Variants in ALG12 observed in about 807,000 individuals in gnomAD.
The protein encoded by ALG12 is dol-P-Man:Man(7)GlcNAc(2)-PP-Dol alpha-1,6-mannosyltransferase.
Under a neutral mutation model 46.0 loss-of-function variants are expected in ALG12, and 36 were observed. That is an observed-to-expected ratio of 0.78 (90% CI 0.60 to 1.03). ALG12 has a LOEUF of 1.03. Ranked by LOEUF, ALG12 falls within the 50% of genes least tolerant of loss-of-function variation. ALG12 has a pLI of 0.00. For synonymous variants in ALG12, 326 were observed against 291.6 expected (o/e 1.12, Z -1.20); for missense variants, 599 against 633.5 (o/e 0.95, Z 0.58).
intron 4 of ALG12, 117 bp from the exon 5 acceptor site, chr22:49,910,205 A>C (rs2060568150): frequency 6.1e-6 from 8 of 1,316,252 alleles, no homozygotes; most frequent in Non-Finnish European, 7.3e-6. Context: ...CAAATATCCC[A>C]GAAAAGAAAC....
At chr22:49,913,311 C>T in intron 3 of ALG12, 74 bp downstream of exon 3, 1 of 1,600,980 alleles carries the variant, frequency 6.2e-7, no homozygotes, top group African/African-American at 1.3e-5. Flanking sequence ...GCAGGAGGGA[C>T]CGCGGCCTCG....
the ALG12 span, among the ~76,000 whole-genome samples, chr22:49,875,856 A>G: frequency 1.3e-5 from 2 of 151,054 alleles, no homozygotes; most frequent in African/African-American, 4.9e-5. Context: ...TGTCTTCTCC[A>G]TTTTTTTCTC....
At chr22:49,878,177 C>T in the ALG12 span, among the ~76,000 whole-genome samples, 1 of 151,888 alleles carries the variant, frequency 6.6e-6, no homozygotes, top group Non-Finnish European at 1.5e-5. Context: ...TGGTGACAGG[C>T]ACCTGTAATT....
At chr22:49,894,448 A>G in the ALG12 span, among the ~76,000 whole-genome samples, 1 of 152,200 alleles carries the variant, frequency 6.6e-6, no homozygotes, top group South Asian at 2.1e-4. Context: ...CAGGCTTCAC[A>G]TATCGAGTCC....
At chr22:49,867,672 C>T in the ALG12 span, among the ~76,000 whole-genome samples, 25 of 152,290 alleles carry the variant, frequency 1.6e-4, no homozygotes, top group Middle Eastern at 3.4e-3. Flanking sequence ...TGGGGATGCT[C>T]GGTGTATCAC....
chr22:49,866,882 G>A, the ALG12 span, among the ~76,000 whole-genome samples: 2 of 152,188 alleles, frequency 1.3e-5, no homozygotes, highest in African/African-American at 2.4e-5. Context: ...GCTCTTGAAC[G>A]GTGGCTCTCG....
chr22:49,906,877 C>T lies in ALG12; in HGVS notation c.992+844G>A, dbSNP rs550312572. Among the ~76,000 whole-genome samples the T allele has an allele frequency of 1.1e-4, 17 of 152,218 alleles. No individual in the cohort carries two copies. In the South Asian group the frequency reaches 1.7e-3, roughly 15 times the overall value. On this transcript the variant is annotated intron_variant, in intron 7 of 9. Coordinates refer to ENST00000330817, the MANE Select transcript of ALG12 (RefSeq NM_024105.4). This position sits in a 1 kb window ranked among gnomAD's most constrained non-coding sequence, Gnocchi z 4.4. ...GTCCTTCCCCAGCACCCACAGGGCC[C>T]GGCAGTGATGGACTCTCCTGGCTCC...
Position 49,901,577 on chromosome 22 carries a change from TG to T in ALG12, c.*2260del, listed in dbSNP as rs2060505701. 2.7e-5 allele frequency: 4 copies of T among 147,592 alleles called. No individual in the cohort carries two copies. Among genetic ancestry groups the T allele is most frequent in the Admixed American group, 2.7e-4 (4 of 14,802 alleles). 9.1% of individuals were successfully genotyped at this position (147,592 alleles called of 1,614,324 possible). ...GTGTGCACGATTGCATTGTGTGGTG[TG>T]TATGCATGGTGTGTGCACCTGTGCA... On this transcript the variant is annotated 3_prime_UTR_variant, in exon 10 of 10. Transcript: ENST00000330817.
chr22:49,878,578 C>T, the ALG12 span, among the ~76,000 whole-genome samples: 1 of 152,134 alleles, frequency 6.6e-6, no homozygotes. Context: ...TTCAATCCTT[C>T]AGAGATCTAA....
the ALG12 span, among the ~76,000 whole-genome samples, chr22:49,892,213 CTT>C: frequency 1.2e-3 from 128 of 108,564 alleles, no homozygotes; most frequent in African/African-American, 4.4e-3. Context: ...AAAAAAAAAA[CTT>C]TTTGAAGACA....
At chr22:49,867,724 ACCATCTAGG>A in the ALG12 span, among the ~76,000 whole-genome samples, 2,359 of 152,180 alleles carry the variant, frequency 0.016, 61 homozygotes, top group African/African-American at 0.053. Flanking sequence ...CAGATCTAAT[ACCATCTAGG>A]CCTTGTAATA....
chr22:49,910,249 G>GACA (rs1212810910), intron 4 of ALG12, among the ~76,000 whole-genome samples, 161 bp from the exon 5 acceptor site: 2 of 152,240 alleles, frequency 1.3e-5, no homozygotes, highest in African/African-American at 4.8e-5. Context: ...TATGCTGTTG[G>GACA]CCAGGAAGTG....
the ALG12 span, among the ~76,000 whole-genome samples, chr22:49,873,094 G>A: frequency 6.6e-6 from 1 of 152,196 alleles, no homozygotes; most frequent in African/African-American, 2.4e-5. Flanking sequence ...GCCTCCCAAG[G>A]TGCTGGGATT....
At chr22:49,865,841 T>C in the ALG12 span, among the ~76,000 whole-genome samples, 1 of 151,332 alleles carries the variant, frequency 6.6e-6, no homozygotes, top group African/African-American at 2.4e-5. Context: ...TGGCTTAGTA[T>C]AAAATCCTTG....
In ALG12 at chr22:49,901,654, A is replaced by AC. The variant is rs2060506715; in HGVS notation, c.*2183_*2184insG. On this transcript the variant is annotated 3_prime_UTR_variant, in exon 10 of 10. Transcript: ENST00000330817. Reference sequence around the variant, plus strand: ...ATGTATGGTGTGTGCACGTGTGATCATGCATGTATGGTGTGTATGCATGGT... The same window carrying AC: ...ATGTATGGTGTGTGCACGTGTGATCACTGCATGTATGGTGTGTATGCATGGT... The AC allele has an allele frequency of 8.4e-6, 1 of 119,760 alleles. No homozygotes were observed. The highest frequency in any genetic ancestry group is 4.0e-5 in the African/African-American group (1 of 24,996). 7.4% of individuals were successfully genotyped at this position (119,760 alleles called of 1,614,324 possible).
At chr22:49,917,803 T>G (rs2060622335) in intron 1 of ALG12, among the ~76,000 whole-genome samples, 1 of 150,400 alleles carries the variant, frequency 6.6e-6, no homozygotes, top group Non-Finnish European at 1.5e-5. Flanking sequence ...TTTCCCCTAA[T>G]TTAAACCAGG....
intron 1 of ALG12, among the ~76,000 whole-genome samples, chr22:49,917,604 C>G (rs1269680533): frequency 6.6e-6 from 1 of 152,068 alleles, no homozygotes; most frequent in African/African-American, 2.4e-5. Flanking sequence ...GAAGGCGGAG[C>G]TTGCAGTGAG....
downstream of ALG12, among the ~76,000 whole-genome samples, chr22:49,897,017 A>G (rs1025263701): frequency 3.3e-5 from 5 of 151,622 alleles, no homozygotes; most frequent in African/African-American, 1.2e-4. Flanking sequence ...TACTCATCCT[A>G]TCCTCCCTGC....
At chr22:49,862,432 A>G in the ALG12 span, among the ~76,000 whole-genome samples, 5 of 152,144 alleles carry the variant, frequency 3.3e-5, no homozygotes, top group Non-Finnish European at 7.3e-5. Flanking sequence ...GTGTTTTTAA[A>G]CCTTTTTTAT....
Sources: allele counts gnomAD v4.1 joint callset (sites outside exome capture counted in the v4.1 genomes callset), GRCh38; gene constraint gnomAD v4.1.1; non-coding constraint Gnocchi (gnomAD v3.1); transcripts MANE v1.5; gene names NCBI Gene and HGNC (gene_info 2026-07-23, HGNC 2026-07-21).